Variants in NFRKB observed in about 807,000 individuals in gnomAD.
NFRKB encodes the protein nuclear factor related to kappa-B-binding protein.
In NFRKB, 62 loss-of-function variants were observed where a neutral mutation model predicts 135.7. The ratio of observed to expected loss-of-function variants is 0.46; its 90% CI spans 0.37 to 0.56. The LOEUF (loss-of-function observed/expected upper bound fraction) is 0.56. Ranked by LOEUF, NFRKB falls within the 20% of genes least tolerant of loss-of-function variation. The probability of loss-of-function intolerance (pLI) is 0.00; values close to 1 mark genes in which losing one functional copy is unlikely to be tolerated. For synonymous variants in NFRKB, 678 were observed against 635.6 expected (o/e 1.07, Z -1.00); for missense variants, 1,545 against 1,662.0 (o/e 0.93, Z 1.22).
rs1355040896 is a variant in NFRKB, at chr11:129,878,367, G to T, written c.1465-12C>A. The T allele has an allele frequency of 6.2e-7, 1 of 1,614,142 alleles. No individual in the cohort carries two copies. The highest frequency in any genetic ancestry group is 8.5e-7 in the Non-Finnish European group (1 of 1,180,026). On this transcript the variant is annotated splice_polypyrimidine_tract_variant and intron_variant, in intron 14 of 26. Transcript: ENST00000682444. The stretch of plus-strand genomic sequence containing the variant: ...TCTTCATTTTCTTGCTGGAGAAAAA[G>T]AAAACGTTGACAGGTAAATGGACTA...
At chr11:129,880,410 T>C (rs1948974152) in intron 13 of NFRKB, among the ~76,000 whole-genome samples, 1 of 152,056 alleles carries the variant, frequency 6.6e-6, no homozygotes, top group Non-Finnish European at 1.5e-5. Context: ...CCTCTCTCCC[T>C]GTGTCTAAAT....
intron 13 of NFRKB, among the ~76,000 whole-genome samples, chr11:129,880,279 A>G (rs78592336): frequency 0.03 from 4,517 of 152,266 alleles, 214 homozygotes; most frequent in African/African-American, 0.1. Flanking sequence ...CTACCTGCAC[A>G]AACAACACCT....
chr11:129,872,245 A>G (rs1230440272), intron 23 of NFRKB, among the ~76,000 whole-genome samples: 1 of 152,168 alleles, frequency 6.6e-6, no homozygotes, highest in Non-Finnish European at 1.5e-5. Context: ...CGCGAGGGCA[A>G]GGACTTAGTC....
chr11:129,875,640 C>T (rs1257513994), intron 17 of NFRKB, among the ~76,000 whole-genome samples, 177 bp from the exon 18 acceptor site: 1 of 150,844 alleles, frequency 6.6e-6, no homozygotes, highest in Non-Finnish European at 1.5e-5. Flanking sequence ...CACTGGAGTT[C>T]CCTATACACT....
rs1405859522 is a variant in NFRKB, at chr11:129,878,255, T to C, written c.1511+54A>G. 9.6e-6 allele frequency: 15 copies of C among 1,570,474 alleles called. No individual in the cohort carries two copies. In the Admixed American group the frequency reaches 2.1e-4, roughly 22 times the overall value. Reference sequence around the variant, plus strand: ...AGAAGTATTAACAAAACCAAGGCAGTATCTGAACTACAGTTTCCCAGGACA... The same window carrying C: ...AGAAGTATTAACAAAACCAAGGCAGCATCTGAACTACAGTTTCCCAGGACA... On this transcript the variant is annotated intron_variant, in intron 15 of 26. Coordinates refer to ENST00000682444, the MANE Select transcript of NFRKB (RefSeq NM_001143835.2).
intron 6 of NFRKB, 90 bp downstream of exon 6, chr11:129,885,345 G>A: frequency 7.1e-7 from 1 of 1,410,730 alleles, no homozygotes; most frequent in Non-Finnish European, 9.7e-7. Flanking sequence ...TCTTTGCTGG[G>A]GAGATAAATG....
chr11:129,864,666 C>T lies in NFRKB; in HGVS notation c.*59G>A, dbSNP rs761671046. The T allele has an allele frequency of 8.9e-5, 143 of 1,609,920 alleles. No homozygotes were observed. Among genetic ancestry groups the T allele is most frequent in the South Asian group, 4.2e-4 (38 of 90,678 alleles). On this transcript the variant is annotated 3_prime_UTR_variant, in exon 27 of 27. Transcript: ENST00000682444. ...AAAACAATGATGCAACCTCCCTGGT[C>T]CCTTCTCAGCCAGGACAGACCAGGC... is the stretch of plus-strand genomic sequence containing the variant.
intron 13 of NFRKB, among the ~76,000 whole-genome samples, chr11:129,879,782 C>A (rs1408957335): frequency 6.6e-6 from 1 of 152,194 alleles, no homozygotes; most frequent in African/African-American, 2.4e-5. Flanking sequence ...CTGTGCCCTG[C>A]ACCACACACA....
Position 129,884,836 on chromosome 11 carries a change from T to A in NFRKB, c.651A>T (p.Ser217=), listed in dbSNP as rs145747064. The A allele has an allele frequency of 3.7e-6, 6 of 1,613,548 alleles. No individual in the cohort carries two copies. The highest frequency in any genetic ancestry group is 5.1e-6 in the Non-Finnish European group (6 of 1,179,558). ...AACGTGCTGGAGAGCTCGGAAGCCA[T>A]GAGCTGAGATCTTCAAAAGAAAATT... is the stretch of plus-strand genomic sequence containing the variant. ...ALSSDEEDLS[S]WLPSSPARSP... The change falls in exon 7 of 27, where the codon TCA becomes TCT. Residue 217 remains serine (S), a synonymous_variant. Coordinates refer to ENST00000682444, the MANE Select transcript of NFRKB (RefSeq NM_001143835.2).
At position 129,874,690 on chromosome 11, in the gene NFRKB, A is replaced by G. The variant is rs1948679823; in HGVS notation, c.1978+103T>C. ...CAGTGGACTGAATCCTGCCTCTACC[A>G]TCTTGTCCTACCTATATGCCAATGA... On this transcript the variant is annotated intron_variant, in intron 19 of 26. Coordinates refer to ENST00000682444, the MANE Select transcript of NFRKB (RefSeq NM_001143835.2). This position sits in a 1 kb window ranked among gnomAD's most constrained non-coding sequence, Gnocchi z 4.5. 4.4e-6 allele frequency: 7 copies of G among 1,604,586 alleles called. No homozygotes were observed. The highest frequency in any genetic ancestry group is 6.0e-6 in the Non-Finnish European group (7 of 1,172,858).
chr11:129,884,967 C>A, intron 6 of NFRKB, 121 bp from the exon 7 acceptor site: 4 of 1,473,266 alleles, frequency 2.7e-6, no homozygotes, highest in Non-Finnish European at 3.7e-6. Context: ...CAGGGTTCCA[C>A]AATCCTTTCT....
intron 18 of NFRKB, 126 bp downstream of exon 18, chr11:129,875,231 G>A: frequency 2.4e-6 from 2 of 848,936 alleles, no homozygotes; most frequent in East Asian, 2.7e-5. Context: ...TGATCACTAT[G>A]CATTTTTCAA....
intron 17 of NFRKB, 122 bp downstream of exon 17, chr11:129,876,599 A>G (rs755235777): frequency 8.1e-5 from 85 of 1,052,932 alleles, no homozygotes; most frequent in Non-Finnish European, 1.1e-4. Context: ...TTGAAAAACT[A>G]TGCCTTGTTC....
intron 3 of NFRKB, among the ~76,000 whole-genome samples, chr11:129,890,803 C>T (rs1481585641): frequency 6.6e-6 from 1 of 152,132 alleles, no homozygotes; most frequent in Non-Finnish European, 1.5e-5. Flanking sequence ...TCCCAGGGCA[C>T]GTACCATTAT....
intron 25 of NFRKB, 27 bp from the exon 26 acceptor site, chr11:129,865,128 A>T (rs773246701): frequency 1.2e-5 from 19 of 1,597,592 alleles, no homozygotes; most frequent in Non-Finnish European, 1.5e-5. Flanking sequence ...GGGGTGAGAT[A>T]TAATGATATC....
At chr11:129,885,834 CTTT>C (rs1949250788) in intron 5 of NFRKB, among the ~76,000 whole-genome samples, 1 of 152,150 alleles carries the variant, frequency 6.6e-6, no homozygotes, top group Non-Finnish European at 1.5e-5. Flanking sequence ...GGAATGAATA[CTTT>C]TTTATACTAG....
intron 5 of NFRKB, 90 bp downstream of exon 5, chr11:129,886,227 C>T (rs1330798811): frequency 1.4e-6 from 2 of 1,468,802 alleles, no homozygotes; most frequent in Admixed American, 2.2e-5. Context: ...TTCTTCGTGG[C>T]AATTTTTGTG....
Position 129,885,482 on chromosome 11 carries a change from T to C in NFRKB, c.593A>G (p.Glu198Gly). ...TQQRYLKVLR[E>G]VKEECGDTAL... Reference sequence around the variant, plus strand: ...TGTGTCACCACACTCCTCTTTCACTTCCCTTAAGACCTTCAAGTAGCGCTG... The same window carrying C: ...TGTGTCACCACACTCCTCTTTCACTCCCCTTAAGACCTTCAAGTAGCGCTG... The change falls in exon 6 of 27, where the codon GAA becomes GGA. Residue 198 changes from glutamate (E) to glycine (G), a missense_variant. Physicochemically the swap from Glu to Gly is moderately conservative, Grantham distance 98. Around this residue, in one of 3 missense-constraint regions of NFRKB, gnomAD observed 678 missense variants for 646.7 expected, o/e 1.05. Coordinates refer to ENST00000682444, the MANE Select transcript of NFRKB (RefSeq NM_001143835.2). The C allele has an allele frequency of 6.2e-7, 1 of 1,613,782 alleles. No homozygotes were observed. The highest frequency in any genetic ancestry group is 1.3e-5 in the African/African-American group (1 of 75,050).
At chr11:129,894,883 C>T (rs1373150582) in intron 1 of NFRKB, among the ~76,000 whole-genome samples, 2 of 152,254 alleles carry the variant, frequency 1.3e-5, no homozygotes, top group Non-Finnish European at 2.9e-5. Context: ...AGTCAGTGTC[C>T]TACCTGCCTC....
Sources: gnomAD v4.1 joint callset for allele counts (sites outside exome capture counted in the v4.1 genomes callset) on GRCh38, gnomAD v4.1.1 for gene constraint, gnomAD v4.1.1 regional missense constraint, Gnocchi (gnomAD v3.1) non-coding constraint, MANE v1.5 for transcripts, NCBI Gene and HGNC (gene_info 2026-07-23, HGNC 2026-07-21) for gene names.